Variants in MDGA2 observed in about 807,000 individuals in gnomAD.
MDGA2 encodes the protein MAM domain-containing glycosylphosphatidylinositol anchor protein 2.
A neutral mutation model predicts 117.8 loss-of-function variants in MDGA2; 40 were observed. The observed-to-expected ratio is 0.34, with a 90% CI of 0.26 to 0.44. The LOEUF (loss-of-function observed/expected upper bound fraction) is 0.44, where lower values mean the gene tolerates loss of function less well. Among genes scored for constraint, MDGA2 ranks in the 20% least tolerant of loss-of-function variants. The probability of loss-of-function intolerance (pLI) is 1.00; values close to 1 mark genes in which losing one functional copy is unlikely to be tolerated. For missense variants in MDGA2, 1,123 were observed against 1,250.6 expected (o/e 0.90, Z 1.54); for synonymous variants, 452 against 439.0 (o/e 1.03, Z -0.37).
At chr14:46,971,444 A>G (rs985082356) in intron 8 of MDGA2, among the ~76,000 whole-genome samples, 2 of 152,150 alleles carry the variant, frequency 1.3e-5, no homozygotes, top group Non-Finnish European at 2.9e-5. Context: ...CTTAAGTGAG[A>G]TAAGACAGTC....
intron 5 of MDGA2, among the ~76,000 whole-genome samples, chr14:47,097,504 T>C (rs1299006932): frequency 6.6e-6 from 1 of 151,984 alleles, no homozygotes; most frequent in Non-Finnish European, 1.5e-5. Flanking sequence ...ATTCAGTCCT[T>C]GTATTTTCAT....
chr14:46,864,545 G>GGT (rs773215923), intron 14 of MDGA2, among the ~76,000 whole-genome samples: 15 of 51,472 alleles, frequency 2.9e-4, no homozygotes, highest in East Asian at 5.5e-4. Flanking sequence ...AGATATTGCT[G>GGT]TTTTTTTTTT....
At chr14:47,102,393 AAACAC>A (rs1880387267) in intron 5 of MDGA2, among the ~76,000 whole-genome samples, 2 of 145,250 alleles carry the variant, frequency 1.4e-5, no homozygotes, top group African/African-American at 2.6e-5. Context: ...ACACACACAC[AAACAC>A]ACACACACAC....
Position 46,920,043 on chromosome 14 carries a change from C to T in MDGA2, c.2207G>A (p.Arg736Gln), listed in dbSNP as rs370464495. 82 of 1,588,532 alleles carry T rather than the reference C, an allele frequency of 5.2e-5. No individual in the cohort carries two copies. In the African/African-American group the frequency reaches 5.6e-4, roughly 11 times the overall value. Reference protein sequence around the residue: ...WTQMNPDAVDRIVAYRLGIRQ... With the variant: ...WTQMNPDAVDQIVAYRLGIRQ... ...GATGCCCAACCGGTATGCAACAATC[C>T]GATCCACTGCATCAGGATTCATCTG... Residue 736 changes from arginine to glutamine, a missense_variant, in exon 10 of 17, where the codon CGG becomes CAG. This residue lies in a region of MDGA2 where 890 missense variants were observed against 1,050.3 expected (regional missense o/e 0.85). Coordinates refer to ENST00000399232, the MANE Select transcript of MDGA2 (RefSeq NM_001113498.3).
chr14:47,210,908 A>G (rs932245756), intron 3 of MDGA2, among the ~76,000 whole-genome samples: 2 of 152,186 alleles, frequency 1.3e-5, no homozygotes, highest in African/African-American at 4.8e-5. Flanking sequence ...CCTTGAGCCC[A>G]GGAGTCCAAG....
At chr14:46,924,682 C>G (rs926757045) in intron 9 of MDGA2, among the ~76,000 whole-genome samples, 4 of 150,618 alleles carry the variant, frequency 2.7e-5, no homozygotes, top group African/African-American at 9.8e-5. Flanking sequence ...TGCACAATCT[C>G]AGAAAAAAAA....
At chr14:47,125,498 G>A (rs1003872908) in intron 5 of MDGA2, among the ~76,000 whole-genome samples, 1 of 151,572 alleles carries the variant, frequency 6.6e-6, no homozygotes, top group Non-Finnish European at 1.5e-5. Flanking sequence ...AGAGATAATA[G>A]TTGCCTAACA....
At position 47,260,485 on chromosome 14, in the gene MDGA2, G is replaced by T. The variant is rs570760210; in HGVS notation, c.420+40926C>A. 2.3e-4 allele frequency among the ~76,000 whole-genome samples: 35 copies of T among 152,154 alleles called. No individual in the cohort carries two copies. In the South Asian group the frequency reaches 6.6e-3, roughly 29 times the overall value. ...GCTGATAATAAGGTGTGTCCAGAAGGTGTCTCTCTTGAAAGGCTTTCTATA... is the reference window on the plus strand; with the variant it reads ...GCTGATAATAAGGTGTGTCCAGAAGTTGTCTCTCTTGAAAGGCTTTCTATA... On this transcript the variant is annotated intron_variant, in intron 2 of 16. Transcript: ENST00000399232.
At chr14:46,851,720 G>T (rs3007131) in intron 15 of MDGA2, among the ~76,000 whole-genome samples, 96,212 of 151,472 alleles carry the variant, frequency 0.64, 31,184 homozygotes, top group Admixed American at 0.74. Flanking sequence ...AAGTTGTGCC[G>T]TCCACTTGAA....
chr14:47,314,279 G>C (rs1889734261), intron 1 of MDGA2, among the ~76,000 whole-genome samples: 1 of 152,066 alleles, frequency 6.6e-6, no homozygotes, highest in Admixed American at 6.6e-5. Context: ...GCTGGCCGCA[G>C]GTGTACACCA....
intron 1 of MDGA2, among the ~76,000 whole-genome samples, chr14:47,603,993 C>T (rs1896694441): frequency 6.6e-6 from 1 of 152,164 alleles, no homozygotes; most frequent in African/African-American, 2.4e-5. Flanking sequence ...TTGAGGCTTC[C>T]CCAGAAGCTG....
intron 1 of MDGA2, among the ~76,000 whole-genome samples, chr14:47,448,116 AGGCCTAC>A (rs1594861547): frequency 8.5e-6 from 1 of 117,362 alleles, no homozygotes; most frequent in East Asian, 2.1e-4. Flanking sequence ...GCTTTATTTG[AGGCCTAC>A]TTTATTTATT....
intron 5 of MDGA2, among the ~76,000 whole-genome samples, chr14:47,119,923 C>T (rs1321746239): frequency 6.6e-6 from 1 of 152,160 alleles, no homozygotes; most frequent in African/African-American, 2.4e-5. Context: ...ATGTGACAAT[C>T]ATTTTGAAGG....
At chr14:46,962,983 C>A (rs1885869894) in intron 8 of MDGA2, among the ~76,000 whole-genome samples, 2 of 152,072 alleles carry the variant, frequency 1.3e-5, no homozygotes, top group Admixed American at 6.5e-5. Flanking sequence ...TCAAAAGTAC[C>A]AAATGCTATC....
chr14:47,290,685 G>C (rs1483673545), intron 2 of MDGA2, among the ~76,000 whole-genome samples: 1 of 151,928 alleles, frequency 6.6e-6, no homozygotes, highest in African/African-American at 2.4e-5. Context: ...AGGGTCACAT[G>C]TATGGATACA....
At chr14:47,661,678 C>T (rs1392970009) in intron 1 of MDGA2, among the ~76,000 whole-genome samples, 1 of 151,056 alleles carries the variant, frequency 6.6e-6, no homozygotes, top group Admixed American at 6.6e-5. Context: ...ACTGCACATG[C>T]ATTGCTGTTA....
chr14:46,841,986 T>G lies in MDGA2; in HGVS notation c.3023A>C (p.His1008Pro). Reference protein sequence around the residue: ...SVDGAVGILVHIWLFPIIVLI... With the variant: ...SVDGAVGILVPIWLFPIIVLI... ...GACGATAATGGGAAAAAGCCATATA[T>G]GAACCAAAATCCCAACAGCACCATC... The change falls in exon 17 of 17, where the codon CAT (histidine) becomes CCT (proline). Residue 1008 changes from histidine (H) to proline (P), a missense_variant. Physicochemically the swap from His to Pro is moderately conservative, Grantham distance 77. Coordinates refer to ENST00000399232, the MANE Select transcript of MDGA2 (RefSeq NM_001113498.3). The G allele has an allele frequency of 6.2e-7, 1 of 1,612,422 alleles. No homozygotes were observed. Among genetic ancestry groups the G allele is most frequent in the Non-Finnish European group, 8.5e-7 (1 of 1,179,040 alleles).
intron 1 of MDGA2, among the ~76,000 whole-genome samples, chr14:47,563,220 T>C (rs560036508): frequency 1.3e-5 from 2 of 152,156 alleles, no homozygotes; most frequent in African/African-American, 2.4e-5. Flanking sequence ...CTGTTGTTTT[T>C]GGGTGGAGTG....
intron 1 of MDGA2, among the ~76,000 whole-genome samples, chr14:47,333,644 G>A (rs1890355891): frequency 6.6e-6 from 1 of 151,362 alleles, no homozygotes; most frequent in South Asian, 2.1e-4. Context: ...TCAACAATAG[G>A]CCACACAACA....
Sources: allele counts gnomAD v4.1 joint callset (sites outside exome capture counted in the v4.1 genomes callset), GRCh38; gene constraint gnomAD v4.1.1; regional missense constraint gnomAD v4.1.1; transcripts MANE v1.5; gene names NCBI Gene and HGNC (gene_info 2026-07-23, HGNC 2026-07-21).